Variants in CFAP74 observed in about 807,000 individuals in gnomAD.
The protein encoded by CFAP74 is cilia- and flagella-associated protein 74.
In CFAP74, 124 loss-of-function variants were observed where a neutral mutation model predicts 188.9. That is an observed-to-expected ratio of 0.66 (90% CI 0.57 to 0.76). The LOEUF (loss-of-function observed/expected upper bound fraction) is 0.76. Among genes scored for constraint, CFAP74 ranks in the 30% least tolerant of loss-of-function variants. CFAP74 has a pLI of 0.00. For synonymous variants in CFAP74, 956 were observed against 916.7 expected, an observed-to-expected ratio of 1.04 and a Z score of -0.77; for missense variants, 2,198 against 2,165.2, an observed-to-expected ratio of 1.02 and a Z score of -0.30.
At chr1:1,956,577 G>A (rs1558024050) in intron 17 of CFAP74, 43 bp downstream of exon 17, 5 of 1,611,482 alleles carry the variant, frequency 3.1e-6, no homozygotes, top group East Asian at 4.5e-5. Context: ...TGGATTTGGG[G>A]GGCAGGTCCC....
chr1:1,970,753 G>A lies in CFAP74; in HGVS notation c.952C>T (p.Gln318Ter), dbSNP rs1196050574. 6.2e-7 allele frequency: 1 copy of A among 1,614,184 alleles called. No individual in the cohort carries two copies. Among genetic ancestry groups the A allele is most frequent in the Admixed American group, 1.7e-5 (1 of 60,020 alleles). ...GCCAGAATCGCCTTCTTCTCAGCCT[G>A]GACCCTCTGCTCCGCCAGCTCTGCC... ...AKAELAEQRV[Q>*]AEKKAILAQG... is the part of the protein sequence containing the mutation. Residue 318 changes from glutamine (Q) to a stop codon, truncating the protein, a stop_gained, in exon 10 of 39, where the codon CAG becomes TAG. Coordinates refer to ENST00000682832, the MANE Select transcript of CFAP74 (RefSeq NM_001304360.2). LOFTEE classifies it high-confidence loss of function.
intron 6 of CFAP74, among the ~76,000 whole-genome samples, chr1:1,977,150 CTCTTT>C (rs981640099): frequency 1.3e-5 from 2 of 152,132 alleles, no homozygotes; most frequent in African/African-American, 4.8e-5. Flanking sequence ...GCCCAGCCAC[CTCTTT>C]TCTTTATATG....
Position 1,986,857 on chromosome 1 carries a change from C to T in CFAP74, c.395+80G>A, listed in dbSNP as rs74887383. 29,273 of 1,198,176 alleles carry T rather than the reference C, an allele frequency of 0.024. 2,802 individuals are homozygous for T. In the African/African-American group the frequency reaches 0.26, roughly 11 times the overall value. 74.2% of individuals were successfully genotyped at this position (1,198,176 alleles called of 1,614,324 possible). On this transcript the variant is annotated intron_variant, in intron 5 of 38. Coordinates refer to ENST00000682832, the MANE Select transcript of CFAP74 (RefSeq NM_001304360.2). Reference sequence around the variant, plus strand: ...TGGCCTGAACACAGCAGGTGCTTCACGCCTCACTTTGGGTGAACCAGTGAA... The same window carrying T: ...TGGCCTGAACACAGCAGGTGCTTCATGCCTCACTTTGGGTGAACCAGTGAA...
chr1:1,956,790 A>T lies in CFAP74; in HGVS notation c.1852-6T>A. 1 of 1,611,360 alleles carries T rather than the reference A, an allele frequency of 6.2e-7. No individual in the cohort carries two copies. The highest frequency in any genetic ancestry group is 8.5e-7 in the Non-Finnish European group (1 of 1,178,708). On this transcript the variant is annotated splice_polypyrimidine_tract_variant and splice_region_variant and intron_variant, in intron 16 of 38. Coordinates refer to ENST00000682832, the MANE Select transcript of CFAP74 (RefSeq NM_001304360.2). ...AGCTCCTTGTCGAGGGACAGCTGCC[A>T]GAGGACATGGAGTGAACTCAGGGCC...
At chr1:1,941,675 G>A (rs1185168856) in intron 22 of CFAP74, among the ~76,000 whole-genome samples, 1 of 152,190 alleles carries the variant, frequency 6.6e-6, no homozygotes, top group Admixed American at 6.5e-5. Context: ...CTTATCCTGG[G>A]CCACCTTATC....
chr1:1,959,868 A>C, intron 15 of CFAP74, 96 bp downstream of exon 15: 1 of 1,068,866 alleles, frequency 9.4e-7, no homozygotes, highest in South Asian at 1.7e-5. Flanking sequence ...GGCCAAGTGC[A>C]TCCTTCCCCC....
At chr1:1,925,228 G>A (rs1486316582) in intron 33 of CFAP74, among the ~76,000 whole-genome samples, 1 of 143,366 alleles carries the variant, frequency 7.0e-6, no homozygotes, top group Non-Finnish European at 1.5e-5. Flanking sequence ...GAGGGCACAC[G>A]CTGGTGTGAA....
intron 18 of CFAP74, among the ~76,000 whole-genome samples, chr1:1,948,019 C>T (rs1653890535): frequency 6.6e-6 from 1 of 152,168 alleles, no homozygotes. Flanking sequence ...ATTACACGCA[C>T]CTGCCATCAT....
In CFAP74 at chr1:1,947,113, G is replaced by C; in HGVS notation, c.2177-59C>G. 4.7e-6 allele frequency: 6 copies of C among 1,274,690 alleles called. 2 individuals carry two copies. The South Asian group carries it at 7.6e-5, about 16-fold the overall frequency. The allele number at this position is 1,274,690 out of a possible 1,614,324, so 79.0% of individuals were successfully genotyped here. ...GGCAGGGTGGAGGCAGTGTGGCCCA[G>C]GCCCCCTTGGGACGTGGTCACCACC... On this transcript the variant is annotated intron_variant, in intron 18 of 38. Transcript: ENST00000682832.
chr1:1,994,633 T>C (rs950241517), intron 1 of CFAP74, among the ~76,000 whole-genome samples: 4 of 152,248 alleles, frequency 2.6e-5, no homozygotes, highest in Non-Finnish European at 2.9e-5. Flanking sequence ...TTCAGCTCTG[T>C]GCTTGTGAAT....
At chr1:1,954,935 G>A (rs1485851531) in intron 18 of CFAP74, 6 of 1,193,824 alleles carry the variant, frequency 5.0e-6, no homozygotes, top group African/African-American at 3.2e-5. Flanking sequence ...TACCACGAAC[G>A]CTCCCAAGTG....
intron 4 of CFAP74, chr1:1,987,871 G>A (rs369523869): frequency 5.0e-5 from 17 of 341,306 alleles, no homozygotes; most frequent in East Asian, 2.4e-4. Flanking sequence ...CACGGGCGCT[G>A]CCGGAGCCGA....
At chr1:1,960,950 A>G (rs900483064) in intron 14 of CFAP74, among the ~76,000 whole-genome samples, 6 of 152,222 alleles carry the variant, frequency 3.9e-5, no homozygotes, top group Admixed American at 2.0e-4. Context: ...ACAGAAATAG[A>G]GAATTCCAGA....
rs564123368 is a variant in CFAP74 at position 1,987,007 on chromosome 1, G to A, written c.325C>T (p.Arg109Trp). The change falls in exon 5 of 39, where the codon CGG becomes TGG. Residue 109 changes from arginine to tryptophan, a missense_variant. Arg to Trp is a moderately radical substitution (Grantham distance 101). Transcript: ENST00000682832. ...TCCTGCTGCTTGTCGATCAGGTCCC[G>A]CCTCTGCCGACAGGCGCGCAGCTCC... ...RGELRACRQRRDLIDKQQEAV... is the reference protein window; with the variant it reads ...RGELRACRQRWDLIDKQQEAV... 3.3e-5 allele frequency: 53 copies of A among 1,600,842 alleles called. 1 individual carries two copies. The South Asian group carries it at 4.4e-4, about 13-fold the overall frequency.
Position 1,928,768 on chromosome 1 carries a change from C to T in CFAP74, c.3387+16G>A, listed in dbSNP as rs1652121999. On this transcript the variant is annotated intron_variant, in intron 27 of 38. Coordinates refer to ENST00000682832, the MANE Select transcript of CFAP74 (RefSeq NM_001304360.2). ...CCTTCCCCGACCTACGCCCCTCCTT[C>T]CCGGGCCCCACGCACAGATTTGGTC... 6.5e-7 allele frequency: 1 copy of T among 1,530,366 alleles called. No individual in the cohort carries two copies. Among genetic ancestry groups the T allele is most frequent in the South Asian group, 1.2e-5 (1 of 83,838 alleles). The allele number at this position is 1,530,366 out of a possible 1,614,324, so 94.8% of individuals were successfully genotyped here. A position where few individuals can be genotyped will look rare whatever the true frequency, so the allele number is the denominator to read the frequency against.
intron 4 of CFAP74, 84 bp downstream of exon 4, chr1:1,988,428 G>C (rs1188469748): frequency 6.4e-7 from 1 of 1,554,322 alleles, no homozygotes; most frequent in African/African-American, 1.4e-5. Flanking sequence ...GTGACGACAG[G>C]TACAGGACCA....
intron 25 of CFAP74, among the ~76,000 whole-genome samples, chr1:1,938,208 C>T (rs1443946146): frequency 7.1e-6 from 1 of 141,740 alleles, no homozygotes; most frequent in Admixed American, 6.9e-5. Flanking sequence ...CACATGCTCA[C>T]ACATACATGC....
chr1:1,946,022 G>A (rs558903500), intron 20 of CFAP74, among the ~76,000 whole-genome samples: 71 of 151,874 alleles, frequency 4.7e-4, no homozygotes, highest in Admixed American at 1.9e-3. Context: ...GCGTGTGTGC[G>A]TGTGTACGTG....
At chr1:1,994,129 C>T (rs1255416262) in intron 1 of CFAP74, among the ~76,000 whole-genome samples, 1 of 146,290 alleles carries the variant, frequency 6.8e-6, no homozygotes, top group African/African-American at 2.6e-5. Flanking sequence ...TGTGCCACTG[C>T]AGGCCAGCCT....
Sources: gnomAD v4.1 joint callset for allele counts (sites outside exome capture counted in the v4.1 genomes callset) on GRCh38, gnomAD v4.1.1 for gene constraint, MANE v1.5 for transcripts, NCBI Gene and HGNC (gene_info 2026-07-23, HGNC 2026-07-21) for gene names.